CDH12: variants seen among roughly 807,000 people sequenced by gnomAD.
CDH12 encodes cadherin 12, also known as cadherin-12.
In CDH12, 41 loss-of-function variants were observed where a neutral mutation model predicts 74.1. The ratio of observed to expected loss-of-function variants is 0.55; its 90% CI spans 0.43 to 0.72. The LOEUF (loss-of-function observed/expected upper bound fraction) is 0.72, where lower values mean the gene tolerates loss of function less well. CDH12 is among the 30% of genes least tolerant of loss of function. CDH12 has a pLI of 0.00. For synonymous variants in CDH12, 399 were observed against 355.0 expected, an observed-to-expected ratio of 1.12 and a Z score of -1.39; for missense variants, 945 against 977.2, an observed-to-expected ratio of 0.97 and a Z score of 0.44.
At chr5:22,204,694 T>C (rs1751123834) in intron 4 of CDH12, among the ~76,000 whole-genome samples, 1 of 152,202 alleles carries the variant, frequency 6.6e-6, no homozygotes, top group Non-Finnish European at 1.5e-5. Flanking sequence ...ATCAAACTAA[T>C]GTGGTGCTGG....
intron 4 of CDH12, among the ~76,000 whole-genome samples, chr5:22,191,320 G>A (rs888216072): frequency 1.3e-5 from 2 of 151,900 alleles, no homozygotes; most frequent in East Asian, 1.9e-4. Context: ...CACTCTTAGC[G>A]CTTTCCTCAC....
intron 1 of CDH12, among the ~76,000 whole-genome samples, chr5:22,607,554 C>T (rs1190246361): frequency 3.3e-5 from 5 of 152,178 alleles, no homozygotes; most frequent in Admixed American, 1.3e-4. Context: ...AGCATGGAAA[C>T]GAATGGCCCC....
At chr5:22,676,455 T>G (rs1741195166) in intron 1 of CDH12, among the ~76,000 whole-genome samples, 1 of 152,208 alleles carries the variant, frequency 6.6e-6, no homozygotes, top group Non-Finnish European at 1.5e-5. Flanking sequence ...CATATCAGTT[T>G]GCTTAACATC....
intron 5 of CDH12, among the ~76,000 whole-genome samples, chr5:22,026,796 G>C (rs868421642): frequency 1.3e-5 from 2 of 152,198 alleles, no homozygotes; most frequent in African/African-American, 4.8e-5. Context: ...CCACAATAAA[G>C]TTTCTACACT....
intron 1 of CDH12, among the ~76,000 whole-genome samples, chr5:22,707,239 A>C (rs1743057764): frequency 6.6e-6 from 1 of 152,228 alleles, no homozygotes. Context: ...ATACAGACTA[A>C]TTGTTAATAT....
Position 21,802,304 on chromosome 5 carries a change from G to C in CDH12, c.1119C>G (p.Ile373Met). 1 of 1,613,916 alleles carries C rather than the reference G, an allele frequency of 6.2e-7. No homozygotes were observed. The highest frequency in any genetic ancestry group is 2.2e-5 in the East Asian group (1 of 44,758). ...GTGGCTCATCTACGTCCAGCACGCT[G>C]ATCTTCACCGTAGCTGTGTCTTTGA... ...GPFKDTATVK[I>M]SVLDVDEPPV... The change falls in exon 10 of 15, where the codon ATC becomes ATG. Residue 373 changes from isoleucine (I) to methionine (M), a missense_variant. Ile to Met is a conservative substitution (Grantham distance 10). Transcript: ENST00000382254.
At chr5:22,815,741 G>T (rs1749356839) in intron 1 of CDH12, among the ~76,000 whole-genome samples, 1 of 140,918 alleles carries the variant, frequency 7.1e-6, no homozygotes, top group Non-Finnish European at 1.5e-5. Context: ...CTGCACTCCA[G>T]CTTGGGTGAC....
intron 1 of CDH12, among the ~76,000 whole-genome samples, chr5:22,592,297 G>A (rs1736374237): frequency 6.6e-6 from 1 of 152,108 alleles, no homozygotes; most frequent in Non-Finnish European, 1.5e-5. Context: ...ATGTTGCCCA[G>A]CCTTCTCCTT....
intron 1 of CDH12, among the ~76,000 whole-genome samples, chr5:22,586,595 T>A (rs1451236016): frequency 6.6e-6 from 1 of 151,612 alleles, no homozygotes; most frequent in Non-Finnish European, 1.5e-5. Flanking sequence ...TATCCTATAA[T>A]TACATAAAGA....
At chr5:22,062,196 C>T (rs1176550605) in intron 5 of CDH12, among the ~76,000 whole-genome samples, 1 of 152,110 alleles carries the variant, frequency 6.6e-6, no homozygotes, top group Non-Finnish European at 1.5e-5. Context: ...AAAGTAAACA[C>T]ATTGAACCTT....
chr5:22,835,482 T>C (rs1736780459), intron 1 of CDH12, among the ~76,000 whole-genome samples: 1 of 152,156 alleles, frequency 6.6e-6, no homozygotes, highest in African/African-American at 2.4e-5. Flanking sequence ...AAAATAGAAG[T>C]AAATATTCAT....
intron 1 of CDH12, among the ~76,000 whole-genome samples, chr5:22,527,160 T>C (rs539263024): frequency 9.4e-4 from 143 of 152,236 alleles, no homozygotes; most frequent in Non-Finnish European, 1.6e-3. Flanking sequence ...TAAAAGTTCT[T>C]AGGTCCCTTT....
intron 10 of CDH12, among the ~76,000 whole-genome samples, chr5:21,793,228 A>T (rs1232474569): frequency 6.6e-6 from 1 of 151,742 alleles, no homozygotes; most frequent in Non-Finnish European, 1.5e-5. Flanking sequence ...CCATTTTTTA[A>T]ACTTTACTTA....
At chr5:22,800,310 T>C (rs560263144) in intron 1 of CDH12, among the ~76,000 whole-genome samples, 2 of 151,910 alleles carry the variant, frequency 1.3e-5, no homozygotes, top group Non-Finnish European at 2.9e-5. Context: ...GTTAAAGGAG[T>C]TTTTTTCTTA....
intron 1 of CDH12, among the ~76,000 whole-genome samples, chr5:22,518,455 G>A (rs139007088): frequency 1.7e-3 from 264 of 152,236 alleles, no homozygotes; most frequent in African/African-American, 6.1e-3. Context: ...TTGGCTTTCA[G>A]TGGCTCTCTC....
chr5:22,730,443 G>GA (rs1389924062), intron 1 of CDH12, among the ~76,000 whole-genome samples: 1 of 151,784 alleles, frequency 6.6e-6, no homozygotes, highest in Non-Finnish European at 1.5e-5. Context: ...GACAATGTCA[G>GA]AAAAAAGTAA....
intron 4 of CDH12, among the ~76,000 whole-genome samples, chr5:22,118,862 G>A (rs1221295278): frequency 6.6e-6 from 1 of 152,012 alleles, no homozygotes; most frequent in Non-Finnish European, 1.5e-5. Context: ...TTTCTGACTA[G>A]AATAAAAACA....
chr5:22,477,296 T>C (rs1746206633), intron 2 of CDH12, among the ~76,000 whole-genome samples: 1 of 152,184 alleles, frequency 6.6e-6, no homozygotes, highest in African/African-American at 2.4e-5. Context: ...CTCTATATGT[T>C]CTCATCATTT....
intron 3 of CDH12, among the ~76,000 whole-genome samples, chr5:22,344,625 A>G (rs1267630147): frequency 6.6e-6 from 1 of 152,172 alleles, no homozygotes; most frequent in Non-Finnish European, 1.5e-5. Context: ...AATCACTATG[A>G]TTACTGCTTA....
Sources: allele counts gnomAD v4.1 joint callset (sites outside exome capture counted in the v4.1 genomes callset), GRCh38; gene constraint gnomAD v4.1.1; transcripts MANE v1.5; gene names NCBI Gene and HGNC (gene_info 2026-07-23, HGNC 2026-07-21).